KIF1B: variants seen among roughly 807,000 people sequenced by gnomAD.
KIF1B encodes the protein kinesin family member 1B, also known as kinesin-like protein KIF1B.
Under a neutral mutation model 241.9 loss-of-function variants are expected in KIF1B, and 76 were observed. The ratio of observed to expected loss-of-function variants is 0.31; its 90% CI spans 0.26 to 0.38. KIF1B has a LOEUF of 0.38. Among genes scored for constraint, KIF1B ranks in the 10% least tolerant of loss-of-function variants. KIF1B has a pLI of 1.00. For missense variants in KIF1B, 1,622 were observed against 2,271.4 expected (o/e 0.71, Z 5.81); for synonymous variants, 750 against 796.7 (o/e 0.94, Z 0.99).
chr1:10,370,486 T>G (rs1638698362), intron 44 of KIF1B, among the ~76,000 whole-genome samples: 1 of 146,396 alleles, frequency 6.8e-6, no homozygotes, highest in Non-Finnish European at 1.5e-5. Flanking sequence ...ATCACTTGAG[T>G]CCTGGAGGCT....
At chr1:10,298,343 G>A (rs1318146049) in intron 22 of KIF1B, among the ~76,000 whole-genome samples, 1 of 152,216 alleles carries the variant, frequency 6.6e-6, no homozygotes, top group Non-Finnish European at 1.5e-5. Context: ...AAGTGGGCCA[G>A]AAACGTGAAG....
chr1:10,362,989 A>G (rs1461852892), intron 40 of KIF1B, among the ~76,000 whole-genome samples: 1 of 151,834 alleles, frequency 6.6e-6, no homozygotes, highest in Non-Finnish European at 1.5e-5. Context: ...GAAGGATCAC[A>G]TTAGTCCAGG....
chr1:10,266,274 A>T (rs556376320), intron 5 of KIF1B, among the ~76,000 whole-genome samples: 1 of 152,334 alleles, frequency 6.6e-6, no homozygotes, highest in East Asian at 1.9e-4. Context: ...AAGACTATTT[A>T]ATATATTTCT....
chr1:10,333,294 C>T (rs997201557), intron 27 of KIF1B, among the ~76,000 whole-genome samples: 2 of 151,574 alleles, frequency 1.3e-5, no homozygotes, highest in South Asian at 2.1e-4. Flanking sequence ...CGCTTGAACC[C>T]GGGAGATAGA....
chr1:10,334,330 C>T (rs117433607), intron 27 of KIF1B, among the ~76,000 whole-genome samples, 190 bp from the exon 28 acceptor site: 1 of 152,146 alleles, frequency 6.6e-6, no homozygotes, highest in East Asian at 1.9e-4. Flanking sequence ...TTCTGCCAAG[C>T]GTTTGCTTGT....
intron 2 of KIF1B, among the ~76,000 whole-genome samples, chr1:10,243,182 T>G (rs976939034): frequency 6.6e-6 from 1 of 152,116 alleles, no homozygotes; most frequent in Non-Finnish European, 1.5e-5. Context: ...TTTGGGAGGC[T>G]GAGGCGGGTG....
At position 10,252,386 on chromosome 1, in the gene KIF1B, TTTGTTG is replaced by T. The variant is rs70997214; in HGVS notation, c.107-3836_107-3831del. On this transcript the variant is annotated intron_variant, in intron 2 of 48. Coordinates refer to ENST00000676179, the MANE Select transcript of KIF1B (RefSeq NM_001365951.3). ...AGAGGTTCTTTGTTTTTGTGGGGTT[TTTGTTG>T]TTGTTGTTGTTGTTGTTGTTGTTGC... Among the ~76,000 whole-genome samples the T allele has an allele frequency of 3.5e-3, 522 of 149,928 alleles. 5 individuals carry two copies. The highest frequency in any genetic ancestry group is 4.1e-3 in the Admixed American group (61 of 14,942).
At chr1:10,371,042 G>A (rs1255506129) in intron 44 of KIF1B, 99 bp from the exon 45 acceptor site, 5 of 1,367,508 alleles carry the variant, frequency 3.7e-6, no homozygotes, top group Non-Finnish European at 5.2e-6. Flanking sequence ...GAAACAAGAT[G>A]TATCAAAGTG....
chr1:10,273,758 A>G (rs1307809087), intron 10 of KIF1B, among the ~76,000 whole-genome samples: 5 of 148,018 alleles, frequency 3.4e-5, no homozygotes, highest in Non-Finnish European at 7.4e-5. Flanking sequence ...ACACCACAAG[A>G]CTAGCCACTA....
rs148372007 is a variant in KIF1B at position 10,301,527 on chromosome 1, G to C, written c.2115+4281G>C. ...CCAAAAATGCAAAAATTAGGTAGGC[G>C]TGGTGGCAGGTGCCTGTAGTCCCAG... On this transcript the variant is annotated intron_variant, in intron 22 of 48. Transcript: ENST00000676179. Among the ~76,000 whole-genome samples the C allele has an allele frequency of 9.4e-3, 1,430 of 152,160 alleles. 19 individuals are homozygous for C. The highest frequency in any genetic ancestry group is 0.037 in the Middle Eastern group (11 of 294).
At chr1:10,296,406 TTC>T (rs1225032081) in intron 19 of KIF1B, among the ~76,000 whole-genome samples, 174 bp from the exon 20 acceptor site, 2 of 152,202 alleles carry the variant, frequency 1.3e-5, no homozygotes, top group Admixed American at 6.5e-5. Context: ...AGATAGCCTC[TTC>T]TATTGGGGCT....
chr1:10,291,538 A>C (rs750665132), intron 16 of KIF1B, among the ~76,000 whole-genome samples: 11 of 152,018 alleles, frequency 7.2e-5, no homozygotes, highest in Admixed American at 1.3e-4. Context: ...GTGAAACCCC[A>C]TCTCTACTAA....
At chr1:10,325,812 T>C (rs1276176244) in intron 26 of KIF1B, among the ~76,000 whole-genome samples, 2 of 152,222 alleles carry the variant, frequency 1.3e-5, no homozygotes, top group Non-Finnish European at 2.9e-5. Context: ...TGATCTTTTA[T>C]GTGAACTGGA....
intron 7 of KIF1B, among the ~76,000 whole-genome samples, chr1:10,269,143 T>G (rs1363920552): frequency 6.6e-6 from 1 of 152,220 alleles, no homozygotes; most frequent in Non-Finnish European, 1.5e-5. Flanking sequence ...ATGAGTACTT[T>G]AGACACCACT....
At chr1:10,276,244 A>G (rs1649100805) in intron 11 of KIF1B, 77 bp from the exon 12 acceptor site, 5 of 934,972 alleles carry the variant, frequency 5.3e-6, no homozygotes, top group African/African-American at 3.2e-5. Context: ...TGAGATTACA[A>G]TATCAGATTT....
intron 24 of KIF1B, among the ~76,000 whole-genome samples, chr1:10,322,745 TCTC>T (rs544146778): frequency 1.1e-4 from 17 of 152,278 alleles, no homozygotes; most frequent in African/African-American, 3.6e-4. Flanking sequence ...TAGCCACTCC[TCTC>T]CTCAAGTAGA....
chr1:10,379,580 T>C lies in KIF1B; in HGVS notation c.*2993T>C, dbSNP rs1405584837. ...GTTGTGGCGGGAAAGTTAAGAAACA[T>C]AGCCCTTAAGGAAACCACCTTTATG... On this transcript the variant is annotated 3_prime_UTR_variant, in exon 49 of 49. Coordinates refer to ENST00000676179, the MANE Select transcript of KIF1B (RefSeq NM_001365951.3). 4.3e-6 allele frequency: 1 copy of C among 231,426 alleles called. No individual in the cohort carries two copies. Among genetic ancestry groups the C allele is most frequent in the Non-Finnish European group, 8.5e-6 (1 of 117,040 alleles). 14.3% of individuals were successfully genotyped at this position (231,426 alleles called of 1,614,324 possible). A position where few individuals can be genotyped will look rare whatever the true frequency, so the allele number is the denominator to read the frequency against.
rs201620952 is a variant in KIF1B, at chr1:10,375,786, GTTTTTTTTTTTTT to G, written c.5408+425_5408+437del. ...TTTTTCTTTTCTTTTTTCTTTTCTT[GTTTTTTTTTTTTT>G]TTTTTTTTTTTGAGATGGAGTTTTT... On this transcript the variant is annotated intron_variant, in intron 48 of 48. Coordinates refer to ENST00000676179, the MANE Select transcript of KIF1B (RefSeq NM_001365951.3). Among the ~76,000 whole-genome samples the G allele has an allele frequency of 2.6e-4, 18 of 69,568 alleles. No individual in the cohort carries two copies. The Admixed American group carries it at 3.0e-3, about 12-fold the overall frequency. The allele number at this position is 69,568 out of a possible 152,430, so 45.6% of individuals were successfully genotyped here.
chr1:10,279,467 C>T (rs938137794), intron 14 of KIF1B, among the ~76,000 whole-genome samples: 3 of 152,090 alleles, frequency 2.0e-5, no homozygotes, highest in African/African-American at 7.2e-5. Context: ...CATAATATGC[C>T]AGGCCCTATT....
Sources: gnomAD v4.1 joint callset for allele counts (sites outside exome capture counted in the v4.1 genomes callset) on GRCh38, gnomAD v4.1.1 for gene constraint, MANE v1.5 for transcripts, NCBI Gene and HGNC (gene_info 2026-07-23, HGNC 2026-07-21) for gene names.